Variants in KLF12 observed in about 807,000 individuals in gnomAD.
KLF12 encodes the protein Krueppel-like factor 12.
A neutral mutation model predicts 37.8 loss-of-function variants in KLF12; 9 were observed. The ratio of observed to expected loss-of-function variants is 0.24; its 90% CI spans 0.14 to 0.42. KLF12 has a LOEUF of 0.42. KLF12 is among the 10% of genes least tolerant of loss of function. The probability of loss-of-function intolerance (pLI) is 1.00; values close to 1 mark genes in which losing one functional copy is unlikely to be tolerated. For missense variants in KLF12, 411 were observed against 516.0 expected (o/e 0.80, Z 1.97); for synonymous variants, 208 against 202.1 (o/e 1.03, Z -0.25).
At chr13:73,773,313 C>G (rs1020634839) in intron 5 of KLF12, among the ~76,000 whole-genome samples, 1 of 152,270 alleles carries the variant, frequency 6.6e-6, no homozygotes, top group Middle Eastern at 3.4e-3. Flanking sequence ...TACCAGGGAT[C>G]TCACTGGATG....
At chr13:73,713,145 A>G (rs935252283) in intron 7 of KLF12, among the ~76,000 whole-genome samples, 1 of 152,214 alleles carries the variant, frequency 6.6e-6, no homozygotes, top group South Asian at 2.1e-4. Context: ...TTGGAGAATT[A>G]AGATGTTAGT....
intron 6 of KLF12, among the ~76,000 whole-genome samples, chr13:73,732,956 T>C (rs1415383839): frequency 6.6e-6 from 1 of 152,162 alleles, no homozygotes; most frequent in Non-Finnish European, 1.5e-5. Flanking sequence ...GGGTCCCTCA[T>C]GATTATTCTC....
intron 4 of KLF12, among the ~76,000 whole-genome samples, chr13:73,839,998 G>T (rs148358188): frequency 2.0e-5 from 3 of 151,762 alleles, no homozygotes; most frequent in Admixed American, 2.0e-4. Flanking sequence ...AAGAACTATC[G>T]AGACTTTCAG....
At chr13:74,242,703 T>G in the KLF12 span, among the ~76,000 whole-genome samples, 1 of 152,154 alleles carries the variant, frequency 6.6e-6, no homozygotes, top group Non-Finnish European at 1.5e-5. Context: ...AATTGTTTAG[T>G]AGGTGTAGGG....
In KLF12 at chr13:73,846,287, T is replaced by A; in HGVS notation, c.210A>T (p.Leu70Phe). 6.2e-7 allele frequency: 1 copy of A among 1,614,066 alleles called. No individual in the cohort carries two copies. The highest frequency in any genetic ancestry group is 1.1e-5 in the South Asian group (1 of 91,084). Residue 70 changes from leucine to phenylalanine, a missense_variant, in exon 4 of 8, where the codon TTA becomes TTT. Physicochemically the swap from Leu to Phe is conservative, Grantham distance 22. Coordinates refer to ENST00000377669, the MANE Select transcript of KLF12 (RefSeq NM_007249.5). ...TTTGTGTTTGGAAGTGATCTACAGA[T>A]AACGAGTCCTCCGGGGGCTCCCCTT...
intron 1 of KLF12, among the ~76,000 whole-genome samples, chr13:74,087,009 A>G (rs905134656): frequency 6.6e-6 from 1 of 152,190 alleles, no homozygotes; most frequent in Non-Finnish European, 1.5e-5. Context: ...TTGGGGTGGC[A>G]GAGGTGGAAA....
the KLF12 span, among the ~76,000 whole-genome samples, chr13:74,253,130 G>T: frequency 4.6e-5 from 7 of 152,128 alleles, no homozygotes; most frequent in South Asian, 1.2e-3. Context: ...TGTATTTCTA[G>T]AGAAATATCT....
intron 2 of KLF12, among the ~76,000 whole-genome samples, chr13:73,992,415 C>G (rs1891992622): frequency 6.6e-6 from 1 of 152,136 alleles, no homozygotes; most frequent in Non-Finnish European, 1.5e-5. Context: ...AAGGAAGTAA[C>G]TTAATGAAGT....
the KLF12 span, among the ~76,000 whole-genome samples, chr13:74,185,391 C>T: frequency 6.6e-6 from 1 of 152,148 alleles, no homozygotes; most frequent in Non-Finnish European, 1.5e-5. Context: ...TACGGTAACT[C>T]GTTCATCAAC....
chr13:73,830,677 T>C (rs1180446438), intron 4 of KLF12, among the ~76,000 whole-genome samples: 2 of 152,188 alleles, frequency 1.3e-5, no homozygotes, highest in East Asian at 3.9e-4. Flanking sequence ...TTTCCCCTTG[T>C]GTCTTCCAGA....
At chr13:73,900,747 C>T (rs1272594762) in intron 3 of KLF12, among the ~76,000 whole-genome samples, 2 of 152,058 alleles carry the variant, frequency 1.3e-5, no homozygotes, top group Non-Finnish European at 2.9e-5. Context: ...CAAATGTCTA[C>T]ATGTTTTTCC....
At chr13:74,252,471 G>C in the KLF12 span, among the ~76,000 whole-genome samples, 1 of 152,160 alleles carries the variant, frequency 6.6e-6, no homozygotes, top group Non-Finnish European at 1.5e-5. Flanking sequence ...CCCTATCACT[G>C]TCACTAACTG....
At chr13:73,993,050 G>C (rs1014367268) in intron 2 of KLF12, among the ~76,000 whole-genome samples, 1 of 152,096 alleles carries the variant, frequency 6.6e-6, no homozygotes, top group Non-Finnish European at 1.5e-5. Context: ...TGGCCAACGC[G>C]GTGAAACCCT....
the KLF12 span, among the ~76,000 whole-genome samples, chr13:74,155,970 C>T: frequency 1.3e-5 from 2 of 152,178 alleles, no homozygotes; most frequent in South Asian, 2.1e-4. Context: ...CCAGTGTTTC[C>T]GCATGGCCTG....
the KLF12 span, among the ~76,000 whole-genome samples, chr13:74,154,014 T>G: frequency 6.6e-6 from 1 of 151,258 alleles, no homozygotes; most frequent in African/African-American, 2.4e-5. Flanking sequence ...GATCACGAGG[T>G]CAGGAGATCA....
chr13:74,079,685 C>T (rs2138749240), intron 1 of KLF12, among the ~76,000 whole-genome samples: 1 of 152,236 alleles, frequency 6.6e-6, no homozygotes, highest in Non-Finnish European at 1.5e-5. Flanking sequence ...AAAAGACTTC[C>T]AGACAACTCA....
At chr13:73,814,059 T>C (rs2138443255) in intron 4 of KLF12, among the ~76,000 whole-genome samples, 1 of 152,368 alleles carries the variant, frequency 6.6e-6, no homozygotes, top group East Asian at 1.9e-4. Context: ...TGTTAACACA[T>C]ATTTTTAAAA....
chr13:73,768,466 G>A (rs930780969), intron 5 of KLF12, among the ~76,000 whole-genome samples: 6 of 152,140 alleles, frequency 3.9e-5, no homozygotes, highest in Middle Eastern at 3.2e-3. Flanking sequence ...TACTAAAGGC[G>A]AGAAAACAAA....
At chr13:74,220,810 T>G in the KLF12 span, among the ~76,000 whole-genome samples, 1 of 152,184 alleles carries the variant, frequency 6.6e-6, no homozygotes, top group Admixed American at 6.5e-5. Context: ...CAGATTGTCC[T>G]CCAGATTTAT....
Sources: gnomAD v4.1 joint callset for allele counts (sites outside exome capture counted in the v4.1 genomes callset) on GRCh38, gnomAD v4.1.1 for gene constraint, MANE v1.5 for transcripts, NCBI Gene and HGNC (gene_info 2026-07-23, HGNC 2026-07-21) for gene names.